The following SUGCT variants were observed in gnomAD, a reference collection of about 807,000 sequenced individuals.
SUGCT encodes the protein succinyl-CoA:glutarate-CoA transferase, also known as succinyl-CoA:glutarate CoA-transferase.
SUGCT carries 41 observed loss-of-function variants against 55.0 expected under a neutral mutation model. The ratio of observed to expected loss-of-function variants is 0.74; its 90% CI spans 0.58 to 0.97. The LOEUF (loss-of-function observed/expected upper bound fraction) is 0.97. Among genes scored for constraint, SUGCT ranks in the 50% least tolerant of loss-of-function variants. The pLI is 0.00. For missense variants in SUGCT, 568 were observed against 547.8 expected (o/e 1.04, Z -0.37); for synonymous variants, 187 against 200.4 (o/e 0.93, Z 0.56).
intron 12 of SUGCT, among the ~76,000 whole-genome samples, chr7:40,690,934 T>A (rs1651771993): frequency 6.6e-6 from 1 of 152,094 alleles, no homozygotes; most frequent in African/African-American, 2.4e-5. Flanking sequence ...TAACTAGAAG[T>A]CACTGACAGA....
chr7:40,186,158 C>G (rs923969660), intron 3 of SUGCT, among the ~76,000 whole-genome samples: 3 of 141,656 alleles, frequency 2.1e-5, no homozygotes, highest in African/African-American at 8.6e-5. Context: ...TCCTTCTTTT[C>G]CTTCCTTCCT....
chr7:40,330,622 T>G (rs184309227), intron 9 of SUGCT, among the ~76,000 whole-genome samples: 23 of 152,276 alleles, frequency 1.5e-4, no homozygotes, highest in Middle Eastern at 3.4e-3. Context: ...AGTCATAAAG[T>G]AGCAAGTGTT....
intron 1 of SUGCT, among the ~76,000 whole-genome samples, chr7:40,169,476 G>C (rs1206867108): frequency 1.3e-5 from 2 of 152,150 alleles, no homozygotes; most frequent in Non-Finnish European, 2.9e-5. Context: ...CTTGCCCTGG[G>C]CACCCTCAGT....
At chr7:40,663,584 G>T (rs183365990) in intron 12 of SUGCT, among the ~76,000 whole-genome samples, 66 of 151,582 alleles carry the variant, frequency 4.4e-4, no homozygotes, top group Non-Finnish European at 9.0e-4. Context: ...TCTGTGATGG[G>T]GTGGTCTCTT....
chr7:40,964,736 T>C, the SUGCT span: 1 of 152,204 alleles, frequency 6.6e-6, no homozygotes, highest in Admixed American at 6.5e-5. Context: ...CTAGAAGAGT[T>C]GTCTGCACTC....
intron 12 of SUGCT, among the ~76,000 whole-genome samples, chr7:40,585,789 C>G (rs1200192368): frequency 1.3e-5 from 2 of 152,104 alleles, no homozygotes; most frequent in African/African-American, 4.8e-5. Context: ...TGGTGATTCT[C>G]TTACCTCAGC....
At chr7:40,220,075 T>C (rs1787938656) in intron 6 of SUGCT, among the ~76,000 whole-genome samples, 1 of 152,234 alleles carries the variant, frequency 6.6e-6, no homozygotes, top group African/African-American at 2.4e-5. Flanking sequence ...AATGTGCTTC[T>C]TAATCCTTTG....
the SUGCT span, among the ~76,000 whole-genome samples, chr7:40,969,378 A>G: frequency 6.6e-6 from 1 of 152,210 alleles, no homozygotes; most frequent in South Asian, 2.1e-4. Flanking sequence ...TTATTTATTT[A>G]GAGACAGAAT....
chr7:40,274,072 T>TC (rs1437605602), intron 7 of SUGCT, among the ~76,000 whole-genome samples: 2 of 119,430 alleles, frequency 1.7e-5, no homozygotes, highest in Admixed American at 1.0e-4. Flanking sequence ...TTTTTTACCT[T>TC]CTTTTTTTTT....
At chr7:40,917,490 C>T in the SUGCT span, among the ~76,000 whole-genome samples, 8 of 152,130 alleles carry the variant, frequency 5.3e-5, no homozygotes, top group Admixed American at 6.5e-5. Flanking sequence ...CCAGATTCCT[C>T]TCCTTTTGTG....
At chr7:40,180,439 A>T (rs558039495) in intron 1 of SUGCT, among the ~76,000 whole-genome samples, 160 of 152,026 alleles carry the variant, frequency 1.1e-3, no homozygotes, top group African/African-American at 3.8e-3. Context: ...TTTCTTACAA[A>T]ATAATAAATT....
intron 12 of SUGCT, among the ~76,000 whole-genome samples, chr7:40,737,243 T>G (rs556438699): frequency 6.6e-6 from 1 of 152,264 alleles, no homozygotes; most frequent in Non-Finnish European, 1.5e-5. Context: ...TTGATCAAAC[T>G]TGGTTTTTGG....
intron 12 of SUGCT, among the ~76,000 whole-genome samples, chr7:40,726,496 G>C (rs1449254348): frequency 6.6e-6 from 1 of 152,076 alleles, no homozygotes; most frequent in African/African-American, 2.4e-5. Flanking sequence ...GAAAACCCAT[G>C]CATAAGTGGA....
intron 6 of SUGCT, among the ~76,000 whole-genome samples, chr7:40,215,344 G>A (rs1355323334): frequency 6.6e-6 from 1 of 152,012 alleles, no homozygotes; most frequent in Non-Finnish European, 1.5e-5. Context: ...TGTAGAGACA[G>A]GATTTTGCCT....
chr7:40,898,831 G>A, the SUGCT span, among the ~76,000 whole-genome samples: 7 of 152,086 alleles, frequency 4.6e-5, no homozygotes, highest in Admixed American at 1.3e-4. Context: ...AGGCTTTTGG[G>A]GGCCATTAGG....
At chr7:40,224,810 G>T (rs1345479695) in intron 6 of SUGCT, among the ~76,000 whole-genome samples, 1 of 152,158 alleles carries the variant, frequency 6.6e-6, no homozygotes, top group Non-Finnish European at 1.5e-5. Flanking sequence ...TCATCTGTAT[G>T]GATGTTGATG....
chr7:40,881,292 C>T, the SUGCT span, among the ~76,000 whole-genome samples: 18 of 152,294 alleles, frequency 1.2e-4, no homozygotes, highest in African/African-American at 4.1e-4. Flanking sequence ...CCTACATTCC[C>T]CGGTGTGCTA....
chr7:40,899,980 G>A, the SUGCT span, among the ~76,000 whole-genome samples: 1 of 152,142 alleles, frequency 6.6e-6, no homozygotes, highest in African/African-American at 2.4e-5. Flanking sequence ...GGGCTGGGGG[G>A]TAGTGGGTGG....
At chr7:40,386,690 C>T (rs555172319) in intron 9 of SUGCT, among the ~76,000 whole-genome samples, 6 of 152,280 alleles carry the variant, frequency 3.9e-5, no homozygotes, top group South Asian at 2.1e-4. Flanking sequence ...TTTATCCCCC[C>T]GGCAGATCCC....
Sources: allele counts gnomAD v4.1 joint callset (sites outside exome capture counted in the v4.1 genomes callset), GRCh38; gene constraint gnomAD v4.1.1; transcripts MANE v1.5; gene names NCBI Gene and HGNC (gene_info 2026-07-23, HGNC 2026-07-21).